The following CHIC2 variants were observed in gnomAD, a reference collection of about 807,000 sequenced individuals.
CHIC2 encodes cysteine-rich hydrophobic domain-containing protein 2.
In CHIC2, 14 loss-of-function variants were observed where a neutral mutation model predicts 25.9. The observed-to-expected ratio is 0.54, with a 90% CI of 0.36 to 0.85. CHIC2 has a LOEUF of 0.85. CHIC2 is among the 40% of genes least tolerant of loss of function. The pLI, the probability that CHIC2 is intolerant of heterozygous loss-of-function variation, is 0.01. For synonymous variants in CHIC2, 70 were observed against 72.0 expected, an observed-to-expected ratio of 0.97 and a Z score of 0.14; for missense variants, 146 against 202.0, an observed-to-expected ratio of 0.72 and a Z score of 1.68.
intron 3 of CHIC2, among the ~76,000 whole-genome samples, chr4:54,024,960 C>T (rs1716012876): frequency 6.6e-6 from 1 of 152,180 alleles, no homozygotes; most frequent in Admixed American, 6.5e-5. Flanking sequence ...ACCTCTCCCA[C>T]TCTAGGTTCC....
intron 1 of CHIC2, among the ~76,000 whole-genome samples, chr4:54,061,500 T>G (rs1012429497): frequency 6.6e-6 from 1 of 152,050 alleles, no homozygotes; most frequent in East Asian, 1.9e-4. Context: ...AAGGGAAGAC[T>G]GCTCTGATCA....
chr4:54,061,399 T>C (rs1717328542), intron 1 of CHIC2, among the ~76,000 whole-genome samples: 1 of 152,184 alleles, frequency 6.6e-6, no homozygotes, highest in East Asian at 1.9e-4. Context: ...AAGTTACATC[T>C]GTGAAAAACA....
At chr4:54,025,498 G>A (rs992608916) in intron 3 of CHIC2, among the ~76,000 whole-genome samples, 8 of 152,172 alleles carry the variant, frequency 5.3e-5, no homozygotes, top group East Asian at 1.9e-4. Flanking sequence ...CAGCCTTGTC[G>A]CTCACACAAA....
chr4:54,013,486 A>C (rs1203568109), intron 5 of CHIC2, among the ~76,000 whole-genome samples: 2 of 152,154 alleles, frequency 1.3e-5, no homozygotes, highest in East Asian at 3.8e-4. Context: ...AAACTTGATT[A>C]GCATTATATA....
the CHIC2 span, among the ~76,000 whole-genome samples, chr4:54,091,842 C>T: frequency 6.6e-6 from 1 of 152,212 alleles, no homozygotes; most frequent in African/African-American, 2.4e-5. Flanking sequence ...CCCCACCTCG[C>T]CTTCGCTCTT....
At chr4:54,012,025 T>A (rs1715610006) in intron 5 of CHIC2, among the ~76,000 whole-genome samples, 1 of 152,058 alleles carries the variant, frequency 6.6e-6, no homozygotes, top group Admixed American at 6.6e-5. Flanking sequence ...TTTATAAATT[T>A]TTTAAGCTAC....
At chr4:54,077,999 T>G in the CHIC2 span, among the ~76,000 whole-genome samples, 1 of 152,350 alleles carries the variant, frequency 6.6e-6, no homozygotes, top group African/African-American at 2.4e-5. Context: ...TTAGGAATGA[T>G]GTAACTTGGC....
chr4:54,047,656 G>C (rs1336056218), intron 3 of CHIC2, among the ~76,000 whole-genome samples: 2 of 133,126 alleles, frequency 1.5e-5, no homozygotes, highest in Middle Eastern at 4.0e-3. Context: ...TTGTGGGGTG[G>C]GGGGAGGGGG....
intron 3 of CHIC2, among the ~76,000 whole-genome samples, chr4:54,025,907 AAG>A (rs1395044248): frequency 6.6e-6 from 1 of 152,074 alleles, no homozygotes; most frequent in African/African-American, 2.4e-5. Flanking sequence ...AAAGGGGTAA[AAG>A]AAAATCACCT....
At chr4:54,042,491 A>G (rs1716608407) in intron 3 of CHIC2, among the ~76,000 whole-genome samples, 1 of 152,220 alleles carries the variant, frequency 6.6e-6, no homozygotes, top group African/African-American at 2.4e-5. Flanking sequence ...TACTCATTTA[A>G]AGGTTTAAAA....
At chr4:54,031,478 C>T (rs1255725581) in intron 3 of CHIC2, among the ~76,000 whole-genome samples, 2 of 151,984 alleles carry the variant, frequency 1.3e-5, no homozygotes, top group Non-Finnish European at 2.9e-5. Context: ...GGCACTGTGA[C>T]AGCACTGAGG....
chr4:54,065,220 G>T (rs1020395008), upstream of CHIC2: 1 of 653,606 alleles, frequency 1.5e-6, no homozygotes. Context: ...TCCAATATAT[G>T]AGGCCAGCGA....
chr4:54,064,644 G>A, upstream of CHIC2: 4 of 1,070,908 alleles, frequency 3.7e-6, no homozygotes, highest in Non-Finnish European at 4.5e-6. This position sits in a 1 kb window ranked among gnomAD's most constrained non-coding sequence, Gnocchi z 4.2. Flanking sequence ...GGAGCAGCCG[G>A]CTACGGCATC....
At chr4:54,082,998 A>G in the CHIC2 span, among the ~76,000 whole-genome samples, 1 of 110,822 alleles carries the variant, frequency 9.0e-6, no homozygotes, top group African/African-American at 3.5e-5. Flanking sequence ...TTCTACTCTC[A>G]CTTTCTTTTT....
intron 3 of CHIC2, among the ~76,000 whole-genome samples, chr4:54,022,610 A>G (rs2110065062): frequency 6.6e-6 from 1 of 152,144 alleles, no homozygotes; most frequent in Non-Finnish European, 1.5e-5. Context: ...ACTATTCCTA[A>G]GCTACAGCCA....
chr4:54,033,754 A>T (rs1033067235), intron 3 of CHIC2, among the ~76,000 whole-genome samples: 12 of 152,190 alleles, frequency 7.9e-5, no homozygotes, highest in African/African-American at 2.2e-4. Flanking sequence ...TACCAATTAC[A>T]TCTCTTTAAA....
At chr4:54,083,089 C>A in the CHIC2 span, among the ~76,000 whole-genome samples, 1 of 126,848 alleles carries the variant, frequency 7.9e-6, no homozygotes, top group Admixed American at 9.8e-5. Flanking sequence ...GATCTCGGCT[C>A]ACTGCAACCT....
intron 1 of CHIC2, among the ~76,000 whole-genome samples, chr4:54,057,389 A>AT (rs558125038): frequency 5.6e-4 from 86 of 152,304 alleles, no homozygotes; most frequent in African/African-American, 1.7e-3. Flanking sequence ...TAGCCATAAT[A>AT]TAGAGGTATC....
chr4:54,023,034 T>C (rs1715949408), intron 3 of CHIC2, among the ~76,000 whole-genome samples: 1 of 152,114 alleles, frequency 6.6e-6, no homozygotes, highest in African/African-American at 2.4e-5. Context: ...CAACCCATTA[T>C]TCTGTCCTAG....
Sources: gnomAD v4.1 joint callset for allele counts (sites outside exome capture counted in the v4.1 genomes callset) on GRCh38, gnomAD v4.1.1 for gene constraint, Gnocchi (gnomAD v3.1) non-coding constraint, MANE v1.5 for transcripts, NCBI Gene and HGNC (gene_info 2026-07-23, HGNC 2026-07-21) for gene names.